The following CA10 variants were observed in gnomAD, a reference collection of about 807,000 sequenced individuals.
CA10 encodes carbonic anhydrase 10 (inactive).
CA10 carries 14 observed loss-of-function variants against 44.2 expected under a neutral mutation model. The ratio of observed to expected loss-of-function variants is 0.32; its 90% CI spans 0.21 to 0.50. The LOEUF is 0.50. Ranked by LOEUF, CA10 falls within the 20% of genes least tolerant of loss-of-function variation. The pLI is 0.99. For synonymous variants in CA10, 159 were observed against 141.6 expected, an observed-to-expected ratio of 1.12 and a Z score of -0.87; for missense variants, 350 against 409.7, an observed-to-expected ratio of 0.85 and a Z score of 1.26.
chr17:51,815,251 A>T (rs1010555991), intron 3 of CA10, among the ~76,000 whole-genome samples: 1 of 152,118 alleles, frequency 6.6e-6, no homozygotes, highest in Non-Finnish European at 1.5e-5. Context: ...TCTACAACAA[A>T]GAATTATCCT....
chr17:51,842,104 C>T (rs936596517), intron 3 of CA10, among the ~76,000 whole-genome samples: 1 of 152,064 alleles, frequency 6.6e-6, no homozygotes, highest in Non-Finnish European at 1.5e-5. Flanking sequence ...GGAATTTGTC[C>T]CCCAAGAGGG....
chr17:51,830,007 G>A (rs1331752190), intron 3 of CA10, among the ~76,000 whole-genome samples: 1 of 151,972 alleles, frequency 6.6e-6, no homozygotes, highest in African/African-American at 2.4e-5. Flanking sequence ...GACCATTCTG[G>A]CCAATATGGT....
intron 1 of CA10, among the ~76,000 whole-genome samples, chr17:52,145,910 C>T (rs948072640): frequency 3.9e-5 from 6 of 151,944 alleles, no homozygotes; most frequent in East Asian, 1.9e-4. Flanking sequence ...AAAAAAAATT[C>T]GATAAATATC....
At chr17:52,105,007 C>T (rs1258405260) in intron 1 of CA10, among the ~76,000 whole-genome samples, 1 of 152,136 alleles carries the variant, frequency 6.6e-6, no homozygotes, top group Non-Finnish European at 1.5e-5. Flanking sequence ...TTAGACTCAC[C>T]TGAAGTCTAG....
chr17:52,009,189 GTTT>G (rs947188701), intron 2 of CA10, among the ~76,000 whole-genome samples: 5 of 150,944 alleles, frequency 3.3e-5, no homozygotes, highest in Admixed American at 3.3e-4. Context: ...AATTTTGAAA[GTTT>G]TTTTTTAACG....
chr17:51,835,074 A>G (rs926835026), intron 3 of CA10, among the ~76,000 whole-genome samples: 3 of 152,206 alleles, frequency 2.0e-5, no homozygotes, highest in African/African-American at 7.2e-5. Context: ...CAGCAAAAGC[A>G]ATCTGACCTT....
At chr17:51,710,059 G>A (rs539855523) in intron 4 of CA10, among the ~76,000 whole-genome samples, 1 of 152,290 alleles carries the variant, frequency 6.6e-6, no homozygotes, top group African/African-American at 2.4e-5. Context: ...TGTTAAAACT[G>A]CCAGTTTCTC....
At chr17:51,957,904 T>TC (rs1413083530) in intron 2 of CA10, among the ~76,000 whole-genome samples, 3 of 151,622 alleles carry the variant, frequency 2.0e-5, no homozygotes, top group African/African-American at 7.3e-5. Context: ...CCTTTCTCAC[T>TC]CCCCCCGAGA....
intron 3 of CA10, among the ~76,000 whole-genome samples, chr17:51,844,414 A>G (rs1337556733): frequency 1.3e-5 from 2 of 152,226 alleles, no homozygotes; most frequent in African/African-American, 4.8e-5. Context: ...TATATTTATT[A>G]CCTGAAATAT....
intron 3 of CA10, among the ~76,000 whole-genome samples, chr17:51,781,765 T>C (rs1906069559): frequency 6.6e-6 from 1 of 152,226 alleles, no homozygotes; most frequent in Admixed American, 6.5e-5. Flanking sequence ...TAGACTTTGC[T>C]GTTAGAACAA....
intron 3 of CA10, among the ~76,000 whole-genome samples, chr17:51,923,916 C>T (rs1458231851): frequency 1.3e-5 from 2 of 151,958 alleles, no homozygotes; most frequent in Non-Finnish European, 2.9e-5. Context: ...AATCAGTCAG[C>T]GCTGTCATGG....
intron 4 of CA10, among the ~76,000 whole-genome samples, chr17:51,657,141 T>A (rs1426940912): frequency 6.6e-6 from 1 of 152,068 alleles, no homozygotes; most frequent in Non-Finnish European, 1.5e-5. Context: ...ATGTGTATGT[T>A]TGTGTGCTGA....
chr17:52,054,014 T>C (rs561823320), intron 2 of CA10, among the ~76,000 whole-genome samples: 11 of 152,200 alleles, frequency 7.2e-5, no homozygotes, highest in African/African-American at 2.2e-4. Context: ...TTGTAGAGCA[T>C]GTGTGTTTGA....
intron 2 of CA10, among the ~76,000 whole-genome samples, chr17:51,936,215 T>C (rs1982858928): frequency 6.6e-6 from 1 of 152,184 alleles, no homozygotes; most frequent in South Asian, 2.1e-4. Flanking sequence ...CCATCAGTTC[T>C]GGGAAGTCAA....
chr17:51,789,338 G>A (rs1291560502), intron 3 of CA10, among the ~76,000 whole-genome samples: 1 of 152,180 alleles, frequency 6.6e-6, no homozygotes, highest in African/African-American at 2.4e-5. Context: ...TCTAATAAGA[G>A]ACATTTACAT....
At chr17:51,778,787 G>A (rs1228303042) in intron 3 of CA10, among the ~76,000 whole-genome samples, 1 of 152,186 alleles carries the variant, frequency 6.6e-6, no homozygotes, top group Non-Finnish European at 1.5e-5. Context: ...ACAAATGCAG[G>A]GGATCCCAGA....
At chr17:51,931,184 C>T in intron 2 of CA10, 52 bp from the exon 3 acceptor site, 1 of 1,573,230 alleles carries the variant, frequency 6.4e-7, no homozygotes, top group Non-Finnish European at 8.7e-7. Context: ...GTTGGGGAAA[C>T]AACATAAATA....
chr17:52,006,441 C>A (rs1457548766), intron 2 of CA10, among the ~76,000 whole-genome samples: 1 of 151,778 alleles, frequency 6.6e-6, no homozygotes, highest in East Asian at 1.9e-4. Flanking sequence ...TAACACTTAC[C>A]ATTCTTTCAA....
At chr17:51,841,399 A>C (rs543258735) in intron 3 of CA10, among the ~76,000 whole-genome samples, 1 of 152,172 alleles carries the variant, frequency 6.6e-6, no homozygotes, top group South Asian at 2.1e-4. Flanking sequence ...CAGTGTGCAA[A>C]AGAGTGCATC....
Sources: allele counts gnomAD v4.1 joint callset (sites outside exome capture counted in the v4.1 genomes callset), GRCh38; gene constraint gnomAD v4.1.1; transcripts MANE v1.5; gene names NCBI Gene and HGNC (gene_info 2026-07-23, HGNC 2026-07-21).